Variants in MYO7B observed in about 807,000 individuals in gnomAD.
MYO7B encodes unconventional myosin-VIIb.
A neutral mutation model predicts 259.7 loss-of-function variants in MYO7B; 212 were observed. The observed-to-expected ratio is 0.82, with a 90% CI of 0.73 to 0.91. The LOEUF (loss-of-function observed/expected upper bound fraction) is 0.91. Ranked by LOEUF, MYO7B falls within the 40% of genes least tolerant of loss-of-function variation. MYO7B has a pLI of 0.00. For missense variants in MYO7B, 2,732 were observed against 2,813.5 expected (o/e 0.97, Z 0.66); for synonymous variants, 1,197 against 1,166.4 (o/e 1.03, Z -0.54).
In MYO7B at chr2:127,628,170, C is replaced by T; in HGVS notation, c.4461-202C>T. ...CCCCACACATGGGCTGCACCACTCT[C>T]AGCCTCCGAGAGGTCCTGTGCTCCG... On this transcript the variant is annotated intron_variant, in intron 33 of 47. Coordinates refer to ENST00000409816, the MANE Select transcript of MYO7B (RefSeq NM_001393586.1). The surrounding 1 kb of genome is among the most constrained non-coding windows in gnomAD (Gnocchi z 4.8). The T allele has an allele frequency of 1.4e-6, 1 of 715,346 alleles. No homozygotes were observed. Among genetic ancestry groups the T allele is most frequent in the Non-Finnish European group, 2.5e-6 (1 of 401,668 alleles). 44.3% of individuals were successfully genotyped at this position (715,346 alleles called of 1,614,324 possible).
At chr2:127,602,978 C>T (rs959961804) in intron 19 of MYO7B, among the ~76,000 whole-genome samples, 12 of 149,922 alleles carry the variant, frequency 8.0e-5, no homozygotes, top group East Asian at 2.0e-4. Context: ...CCAGCCTAGG[C>T]GACAGAGTGA....
chr2:127,570,126 G>A (rs1678533522), intron 6 of MYO7B, among the ~76,000 whole-genome samples: 1 of 152,166 alleles, frequency 6.6e-6, no homozygotes, highest in South Asian at 2.1e-4. Context: ...TCCACCAGGT[G>A]TGTTTTCCAC....
intron 9 of MYO7B, 37 bp from the exon 10 acceptor site, chr2:127,580,709 C>A: frequency 1.3e-6 from 2 of 1,586,578 alleles, no homozygotes; most frequent in East Asian, 2.3e-5. Flanking sequence ...TCGCTCCAGG[C>A]TGCTTTCCAA....
At position 127,630,762 on chromosome 2, in the gene MYO7B, C is replaced by A. The variant is rs1180843680; in HGVS notation, c.4807-16C>A. The A allele has an allele frequency of 6.2e-7, 1 of 1,612,252 alleles. No homozygotes were observed. The highest frequency in any genetic ancestry group is 2.2e-5 in the East Asian group (1 of 44,882). On this transcript the variant is annotated splice_polypyrimidine_tract_variant and intron_variant, in intron 35 of 47. Transcript: ENST00000409816. ...GCGGTGGCTCCTGGGCACCCACAGG[C>A]CTGTGCCCCCTTCAGAGCTTGCTTG...
chr2:127,575,102 G>A (rs1037143529), intron 7 of MYO7B, among the ~76,000 whole-genome samples: 5 of 152,182 alleles, frequency 3.3e-5, no homozygotes, highest in Non-Finnish European at 7.3e-5. Context: ...AGATGCCTCC[G>A]CACTGTGACA....
intron 12 of MYO7B, among the ~76,000 whole-genome samples, chr2:127,582,798 G>C (rs1057359341): frequency 7.2e-5 from 11 of 152,228 alleles, no homozygotes; most frequent in African/African-American, 2.7e-4. Flanking sequence ...TTAGGTAGTG[G>C]GGGAAGCTAG....
At chr2:127,596,386 A>T in intron 18 of MYO7B, 76 bp from the exon 19 acceptor site, 1 of 1,205,256 alleles carries the variant, frequency 8.3e-7, no homozygotes, top group Non-Finnish European at 1.2e-6. Flanking sequence ...TACCTTCGGG[A>T]GACAGAGCCC....
intron 18 of MYO7B, among the ~76,000 whole-genome samples, chr2:127,595,666 G>T (rs1387825830): frequency 1.3e-5 from 2 of 152,144 alleles, no homozygotes; most frequent in Non-Finnish European, 2.9e-5. Context: ...CTGGTATGTT[G>T]TCTCTTTGTT....
At chr2:127,592,239 A>G (rs894877810) in intron 16 of MYO7B, among the ~76,000 whole-genome samples, 2 of 152,140 alleles carry the variant, frequency 1.3e-5, no homozygotes, top group African/African-American at 4.8e-5. Flanking sequence ...AACTAAAAAT[A>G]CAAAACTTAC....
At position 127,569,909 on chromosome 2, in the gene MYO7B, G is replaced by A. The variant is rs1678517806; in HGVS notation, c.591G>A (p.Glu197=). 4 of 1,611,620 alleles carry A rather than the reference G, an allele frequency of 2.5e-6. No homozygotes were observed. The East Asian group carries it at 8.9e-5, about 36-fold the overall frequency. The change falls in exon 6 of 48, where the codon GAG becomes GAA. Residue 197 remains glutamate, a splice_region_variant and synonymous_variant. Coordinates refer to ENST00000409816, the MANE Select transcript of MYO7B (RefSeq NM_001393586.1). ...QQVLEANPIL[E]AFGNAKTIRN... ...TCCTGGAAGCCAACCCCATCCTGGA[G>A]GGTAAGCATCACTCTGGGACCCGCC...
intron 9 of MYO7B, among the ~76,000 whole-genome samples, chr2:127,578,912 G>A (rs1481270190): frequency 1.3e-5 from 2 of 152,074 alleles, no homozygotes; most frequent in Admixed American, 6.6e-5. Flanking sequence ...AAGAAAAGAA[G>A]CAGCCAAGCT....
In MYO7B at chr2:127,580,675, G is replaced by T. The variant is rs900855096; in HGVS notation, c.1004-71G>T. ...GTGGATCTGGGGCTGCCAAGGGCCC[G>T]GGCCAGTCGGGACCTTGCTCCCATC... On this transcript the variant is annotated intron_variant, in intron 9 of 47. Coordinates refer to ENST00000409816, the MANE Select transcript of MYO7B (RefSeq NM_001393586.1). 10 of 1,461,918 alleles carry T rather than the reference G, an allele frequency of 6.8e-6. No homozygotes were observed. The African/African-American group carries it at 1.1e-4, about 16-fold the overall frequency. The allele number at this position is 1,461,918 out of a possible 1,614,324, so 90.6% of individuals were successfully genotyped here.
chr2:127,549,539 G>A (rs1313952812), intron 1 of MYO7B, among the ~76,000 whole-genome samples: 1 of 152,202 alleles, frequency 6.6e-6, no homozygotes, highest in Non-Finnish European at 1.5e-5. Flanking sequence ...GGATCATTTG[G>A]CTGTGAAGAA....
chr2:127,606,679 G>T (rs150696778), intron 20 of MYO7B, among the ~76,000 whole-genome samples: 2 of 152,212 alleles, frequency 1.3e-5, no homozygotes, highest in Admixed American at 6.5e-5. Context: ...AAGCCAACCC[G>T]TTGGGCAGGT....
In MYO7B at chr2:127,590,270, G is replaced by C. The variant is rs372887101; in HGVS notation, c.1992+41G>C. Reference sequence around the variant, plus strand: ...TGGGGCACAGCAAAGGAGGGAGGAGGAGGAGGCTGATGGCCTCTAGGGTTG... The same window carrying C: ...TGGGGCACAGCAAAGGAGGGAGGAGCAGGAGGCTGATGGCCTCTAGGGTTG... On this transcript the variant is annotated intron_variant, in intron 16 of 47. Transcript: ENST00000409816. This position sits in a 1 kb window ranked among gnomAD's most constrained non-coding sequence, Gnocchi z 4.6. 1.2e-5 allele frequency: 19 copies of C among 1,611,842 alleles called. No individual in the cohort carries two copies. Among genetic ancestry groups the C allele is most frequent in the Non-Finnish European group, 1.6e-5 (19 of 1,179,544 alleles).
chr2:127,608,437 T>C (rs1680243294), intron 21 of MYO7B, among the ~76,000 whole-genome samples: 1 of 152,154 alleles, frequency 6.6e-6, no homozygotes, highest in Non-Finnish European at 1.5e-5. Context: ...AAGGGGTGCC[T>C]TAAGAGCCAT....
At position 127,573,989 on chromosome 2, in the gene MYO7B, T is replaced by G. The variant is rs760261415; in HGVS notation, c.662T>G (p.Phe221Cys). 3.7e-6 allele frequency: 6 copies of G among 1,614,052 alleles called. No individual in the cohort carries two copies. The highest frequency in any genetic ancestry group is 5.1e-6 in the Non-Finnish European group (6 of 1,179,894). The change falls in exon 7 of 48, where the codon TTT becomes TGT. Residue 221 changes from phenylalanine to cysteine, a missense_variant. By Grantham distance (205) the Phe-to-Cys change is radical. Transcript: ENST00000409816. ...SRFGKYIDIYFNPSGVIEGAR... is the reference protein window; with the variant it reads ...SRFGKYIDIYCNPSGVIEGAR... ...TTTGGGAAGTACATTGACATCTACT[T>G]TAACCCCAGCGGGGTGATCGAGGGC...
chr2:127,551,092 G>A (rs1399228581), intron 1 of MYO7B, among the ~76,000 whole-genome samples: 1 of 146,472 alleles, frequency 6.8e-6, no homozygotes, highest in East Asian at 2.1e-4. Context: ...TGGGGGTGGG[G>A]CTTAAACAAT....
intron 14 of MYO7B, among the ~76,000 whole-genome samples, chr2:127,587,294 G>C (rs1237481862): frequency 6.6e-6 from 1 of 152,144 alleles, no homozygotes; most frequent in Non-Finnish European, 1.5e-5. Context: ...TGGCCGGAGG[G>C]GAGACATGGG....
Sources: gnomAD v4.1 joint callset for allele counts (sites outside exome capture counted in the v4.1 genomes callset) on GRCh38, gnomAD v4.1.1 for gene constraint, Gnocchi (gnomAD v3.1) non-coding constraint, MANE v1.5 for transcripts, NCBI Gene and HGNC (gene_info 2026-07-23, HGNC 2026-07-21) for gene names.